MAGI2: variants seen among roughly 807,000 people sequenced by gnomAD.
MAGI2 encodes membrane associated guanylate kinase, WW and PDZ domain containing 2, also known as membrane-associated guanylate kinase, WW and PDZ domain-containing protein 2.
A neutral mutation model predicts 133.3 loss-of-function variants in MAGI2; 35 were observed. That is an observed-to-expected ratio of 0.26 (90% CI 0.20 to 0.35). The LOEUF is 0.35. Ranked by LOEUF, MAGI2 falls within the 10% of genes least tolerant of loss-of-function variation. The pLI, the probability that MAGI2 is intolerant of heterozygous loss-of-function variation, is 1.00. For missense variants in MAGI2, 1,636 were observed against 1,863.4 expected (o/e 0.88, Z 2.25); for synonymous variants, 729 against 710.6 (o/e 1.03, Z -0.41).
chr7:78,567,355 A>T (rs1801045586), intron 3 of MAGI2, among the ~76,000 whole-genome samples: 1 of 151,832 alleles, frequency 6.6e-6, no homozygotes, highest in Non-Finnish European at 1.5e-5. Flanking sequence ...CCTTCCAAAT[A>T]CCTTGAAATC....
chr7:78,262,406 G>A (rs2361375), intron 9 of MAGI2, among the ~76,000 whole-genome samples: 44,378 of 151,844 alleles, frequency 0.29, 7,608 homozygotes, highest in African/African-American at 0.47. Context: ...CTTAATGGCT[G>A]CAAAACACTA....
chr7:78,859,047 T>C lies in MAGI2; in HGVS notation c.418+148043A>G, dbSNP rs554330907. 2.1e-3 allele frequency among the ~76,000 whole-genome samples: 323 copies of C among 152,168 alleles called. 3 individuals are homozygous for C. Among genetic ancestry groups the C allele is most frequent in the African/African-American group, 7.5e-3 (310 of 41,554 alleles). On this transcript the variant is annotated intron_variant, in intron 2 of 21. Transcript: ENST00000354212. ...GGTTTAGAGTCTGTTTTATCAGAGA[T>C]TAGGATTGCAACCCCTGCTTTTTTT...
intron 2 of MAGI2, among the ~76,000 whole-genome samples, chr7:78,895,557 A>G (rs771554202): frequency 1.3e-5 from 2 of 151,676 alleles, no homozygotes; most frequent in African/African-American, 2.4e-5. Flanking sequence ...TGTAGAAGAC[A>G]GCAGTGCTAT....
intron 1 of MAGI2, among the ~76,000 whole-genome samples, 162 bp from the exon 2 acceptor site, chr7:79,007,368 A>G (rs745672277): frequency 6.6e-6 from 1 of 152,206 alleles, no homozygotes; most frequent in Non-Finnish European, 1.5e-5. Context: ...GATAACAGAG[A>G]TAACATTTAC....
At chr7:79,309,968 T>TAAAAA (rs111847690) in intron 1 of MAGI2, among the ~76,000 whole-genome samples, 36,165 of 99,170 alleles carry the variant, frequency 0.36, 7,124 homozygotes, top group Non-Finnish European at 0.5. Flanking sequence ...TTGTTTTTCC[T>TAAAAA]AAAAAAAAAA....
At chr7:78,354,310 A>G (rs1462095371) in intron 7 of MAGI2, among the ~76,000 whole-genome samples, 1 of 152,218 alleles carries the variant, frequency 6.6e-6, no homozygotes, top group African/African-American at 2.4e-5. Context: ...TCACAATATA[A>G]CTTAATTGAA....
intron 2 of MAGI2, among the ~76,000 whole-genome samples, chr7:78,671,236 C>G (rs1814344077): frequency 6.6e-6 from 1 of 151,564 alleles, no homozygotes; most frequent in South Asian, 2.1e-4. Flanking sequence ...CTTGCTGCTT[C>G]TCCCACAGGC....
intron 3 of MAGI2, among the ~76,000 whole-genome samples, chr7:78,574,111 A>T (rs932861187): frequency 6.6e-6 from 1 of 152,164 alleles, no homozygotes; most frequent in African/African-American, 2.4e-5. Context: ...GGACATGGAG[A>T]GCTGGTGCCA....
chr7:78,256,243 G>C lies in MAGI2; in HGVS notation c.1747C>G (p.Pro583Ala). 1 of 1,614,076 alleles carries C rather than the reference G, an allele frequency of 6.2e-7. No individual in the cohort carries two copies. The highest frequency in any genetic ancestry group is 8.5e-7 in the Non-Finnish European group (1 of 1,179,996). Residue 583 changes from proline to alanine, a missense_variant, in exon 10 of 22, where the codon CCA (proline) becomes GCA (alanine). Physicochemically the swap from Pro to Ala is conservative, Grantham distance 27 (BLOSUM62 -1). Coordinates refer to ENST00000354212, the MANE Select transcript of MAGI2 (RefSeq NM_012301.4). ...ACATTGTCATCATGGACGGGCGGTG[G>C]ATACGTGCCGTCTAGCTGACCATCA... ...PTDGQLDGTY[P>A]PPVHDDNVSM...
chr7:79,223,514 T>G (rs1476319052), intron 1 of MAGI2, among the ~76,000 whole-genome samples: 1 of 151,926 alleles, frequency 6.6e-6, no homozygotes, highest in Non-Finnish European at 1.5e-5. Context: ...AGGAAGATAC[T>G]ACCATCTCCA....
At chr7:79,177,326 G>A (rs1021850866) in intron 1 of MAGI2, 1 of 151,872 alleles carries the variant, frequency 6.6e-6, no homozygotes, top group African/African-American at 2.4e-5. Context: ...ATACACACAT[G>A]AATGCATGAA....
chr7:78,384,892 T>A (rs1795239747), intron 6 of MAGI2, among the ~76,000 whole-genome samples: 2 of 152,202 alleles, frequency 1.3e-5, no homozygotes, highest in Non-Finnish European at 2.9e-5. Flanking sequence ...GGCTGCTCAC[T>A]AAAATTTGCA....
At chr7:78,641,479 T>C (rs1297503354) in intron 2 of MAGI2, among the ~76,000 whole-genome samples, 2 of 152,176 alleles carry the variant, frequency 1.3e-5, no homozygotes, top group African/African-American at 4.8e-5. Context: ...ATTTACAAGG[T>C]GGTGGACAGA....
At position 79,340,195 on chromosome 7, in the gene MAGI2, C is replaced by A. The variant is rs558398517; in HGVS notation, c.301+112825G>T. On this transcript the variant is annotated intron_variant, in intron 1 of 21. Coordinates refer to ENST00000354212, the MANE Select transcript of MAGI2 (RefSeq NM_012301.4). ...TGCCTTGTCTGGTTTATGTACCTAT[C>A]ATTCTTCCCTAATTCTTTATATAAT... 8.5e-5 allele frequency among the ~76,000 whole-genome samples: 13 copies of A among 152,174 alleles called. No individual in the cohort carries two copies. In the South Asian group the frequency reaches 1.9e-3, roughly 22 times the overall value.
chr7:78,857,637 C>A lies in MAGI2; in HGVS notation c.418+149453G>T, dbSNP rs573861910. On this transcript the variant is annotated intron_variant, in intron 2 of 21. Transcript: ENST00000354212. ...CATGGTGGATAAGCTTTTTGATGTG[C>A]TGCTGGATTTGGTTTGCCAGTATTT... Among the ~76,000 whole-genome samples, 13 of 152,258 alleles carry A rather than the reference C, an allele frequency of 8.5e-5. No homozygotes were observed. In the South Asian group the frequency reaches 2.5e-3, roughly 29 times the overall value.
At chr7:78,314,587 T>C (rs1787212524) in intron 9 of MAGI2, among the ~76,000 whole-genome samples, 1 of 152,140 alleles carries the variant, frequency 6.6e-6, no homozygotes. Context: ...TTAGTAACAG[T>C]TTAAGAGTGT....
chr7:78,498,037 T>G (rs991068583), intron 5 of MAGI2, among the ~76,000 whole-genome samples: 3 of 152,212 alleles, frequency 2.0e-5, no homozygotes, highest in African/African-American at 7.2e-5. Flanking sequence ...CTTACGGTAT[T>G]CTACCTTTCC....
intron 1 of MAGI2, among the ~76,000 whole-genome samples, chr7:79,291,056 C>A (rs4727838): frequency 0.55 from 84,015 of 151,744 alleles, 25,861 homozygotes; most frequent in Non-Finnish European, 0.68. Flanking sequence ...AGATCTGTAC[C>A]CATTAGTAAT....
chr7:78,095,304 C>T (rs1267841240), intron 20 of MAGI2, among the ~76,000 whole-genome samples: 2 of 152,124 alleles, frequency 1.3e-5, no homozygotes, highest in Non-Finnish European at 2.9e-5. Context: ...AGTCTGGCCT[C>T]CTCCTCTTTC....
Sources: gnomAD v4.1 joint callset for allele counts (sites outside exome capture counted in the v4.1 genomes callset) on GRCh38, gnomAD v4.1.1 for gene constraint, MANE v1.5 for transcripts, NCBI Gene and HGNC (gene_info 2026-07-23, HGNC 2026-07-21) for gene names.